Variants in SORBS2 observed in about 807,000 individuals in gnomAD.
The protein encoded by SORBS2 is sorbin and SH3 domain containing 2.
SORBS2 carries 46 observed loss-of-function variants against 97.7 expected under a neutral mutation model. That is an observed-to-expected ratio of 0.47 (90% CI 0.37 to 0.60). The LOEUF is 0.60. SORBS2 is among the 20% of genes least tolerant of loss of function. The pLI, the probability that SORBS2 is intolerant of heterozygous loss-of-function variation, is 0.00. For synonymous variants in SORBS2, 476 were observed against 473.4 expected, an observed-to-expected ratio of 1.01 and a Z score of -0.07; for missense variants, 1,316 against 1,282.3, an observed-to-expected ratio of 1.03 and a Z score of -0.40.
At chr4:185,751,749 A>G (rs755261581) in intron 2 of SORBS2, among the ~76,000 whole-genome samples, 10 of 152,214 alleles carry the variant, frequency 6.6e-5, no homozygotes, top group Non-Finnish European at 7.3e-5. Flanking sequence ...CTGACATTCC[A>G]CAGGAGAAGC....
chr4:185,633,382 T>C (rs2096938602), intron 4 of SORBS2, among the ~76,000 whole-genome samples: 1 of 152,006 alleles, frequency 6.6e-6, no homozygotes, highest in African/African-American at 2.4e-5. Flanking sequence ...ATAGTTAACA[T>C]ATGCTATTAG....
intron 1 of SORBS2, among the ~76,000 whole-genome samples, chr4:185,854,785 A>AAG (rs10560938): frequency 0.014 from 2,124 of 149,712 alleles, 25 homozygotes; most frequent in African/African-American, 0.038. Flanking sequence ...AGAAATAGAG[A>AAG]AGAGAGAGAG....
intron 2 of SORBS2, among the ~76,000 whole-genome samples, chr4:185,720,272 G>A (rs2098501945): frequency 6.6e-6 from 1 of 152,156 alleles, no homozygotes; most frequent in African/African-American, 2.4e-5. Context: ...TCTCTGTAAC[G>A]GCAGCTGAGG....
rs773268433 is a variant in SORBS2, at chr4:185,646,725, T to C, written c.339A>G (p.Pro113=). The C allele has an allele frequency of 5.6e-6, 9 of 1,614,096 alleles. No homozygotes were observed. The East Asian group carries it at 2.0e-4, about 36-fold the overall frequency. ...CAGGTTCATATTCAAAAATACTCCT[T>C]GGCTCAGACCGAAATTTTCTTGTGT... Residue 113 remains proline (P), a synonymous_variant, in exon 4 of 15, where the codon CCA becomes CCG. Coordinates refer to ENST00000418609, the Ensembl canonical transcript of SORBS2.
intron 1 of SORBS2, among the ~76,000 whole-genome samples, chr4:185,871,291 G>T (rs529838168): frequency 2.6e-4 from 40 of 152,122 alleles, no homozygotes; most frequent in African/African-American, 8.7e-4. Flanking sequence ...AGGACATGAA[G>T]CTCAGAAAAA....
At chr4:185,757,133 G>A (rs2153605444) in intron 2 of SORBS2, 1 of 457,228 alleles carries the variant, frequency 2.2e-6, no homozygotes, top group Middle Eastern at 6.4e-4. Context: ...CCACTGTAGG[G>A]GTTCCTGGTC....
chr4:185,827,979 CCAT>C (rs200873178), intron 1 of SORBS2, among the ~76,000 whole-genome samples: 2,205 of 38,062 alleles, frequency 0.058, 43 homozygotes, highest in Admixed American at 0.14. Context: ...CATCTCATCA[CCAT>C]CATCATCATC....
intron 2 of SORBS2, among the ~76,000 whole-genome samples, chr4:185,708,952 G>A (rs755367644): frequency 6.6e-5 from 10 of 152,158 alleles, no homozygotes; most frequent in African/African-American, 9.7e-5. Flanking sequence ...CTATTTCTAC[G>A]TGGGTATGAC....
chr4:185,655,636 T>A (rs2097386652), intron 1 of SORBS2, among the ~76,000 whole-genome samples: 1 of 152,244 alleles, frequency 6.6e-6, no homozygotes, highest in Non-Finnish European at 1.5e-5. Context: ...AAACTGGCAT[T>A]AAATGTTTAG....
upstream of SORBS2, among the ~76,000 whole-genome samples, chr4:185,657,773 C>T (rs1023442490): frequency 2.6e-5 from 4 of 152,076 alleles, no homozygotes; most frequent in African/African-American, 9.7e-5. Context: ...GTGCGGGGAA[C>T]AGACCTATAC....
At chr4:185,609,414 C>T (rs2096494852) in intron 12 of SORBS2, among the ~76,000 whole-genome samples, 1 of 152,194 alleles carries the variant, frequency 6.6e-6, no homozygotes, top group Non-Finnish European at 1.5e-5. Context: ...ATTACTGCCA[C>T]CATCACCATT....
intron 2 of SORBS2, among the ~76,000 whole-genome samples, chr4:185,692,717 T>C (rs930338413): frequency 6.6e-6 from 1 of 152,176 alleles, no homozygotes; most frequent in African/African-American, 2.4e-5. Context: ...TTAAGTCCTA[T>C]GAAATATAAT....
At chr4:185,653,718 C>T (rs1264146689) in intron 1 of SORBS2, among the ~76,000 whole-genome samples, 1 of 152,122 alleles carries the variant, frequency 6.6e-6, no homozygotes, top group African/African-American at 2.4e-5. Context: ...ATGAACGTAG[C>T]CTATTGGATA....
chr4:185,926,552 TTTG>T (rs199847631), intron 1 of SORBS2, among the ~76,000 whole-genome samples: 40,975 of 144,850 alleles, frequency 0.28, 5,765 homozygotes, highest in South Asian at 0.34. Flanking sequence ...AAGTTGTGGT[TTTG>T]TTTTTTTTTT....
chr4:185,749,681 A>C (rs1170650616), intron 2 of SORBS2, among the ~76,000 whole-genome samples: 1 of 152,242 alleles, frequency 6.6e-6, no homozygotes, highest in Non-Finnish European at 1.5e-5. Context: ...TTAAGGTAAT[A>C]ATTTTGGTGC....
rs139548175 is a variant in SORBS2 at position 185,881,831 on chromosome 4, GA to G, written c.-338+74364del. 1.3e-3 allele frequency among the ~76,000 whole-genome samples: 199 copies of G among 152,076 alleles called. 2 individuals carry two copies. Among genetic ancestry groups the G allele is most frequent in the African/African-American group, 4.5e-3 (185 of 41,532 alleles). On this transcript the variant is annotated intron_variant, in intron 1 of 20. Coordinates refer to the SORBS2 transcript ENST00000284776. Reference sequence around the variant, plus strand: ...ACCAAAGCATTAGGAGGTAGGGGAAGAAAAAAGAAGAAGTATAAAATTGTTA... The same window carrying G: ...ACCAAAGCATTAGGAGGTAGGGGAAGAAAAAGAAGAAGTATAAAATTGTTA...
chr4:185,739,114 T>C lies in SORBS2; in HGVS notation c.-198+36113A>G, dbSNP rs193231954. Among the ~76,000 whole-genome samples the C allele has an allele frequency of 1.3e-3, 197 of 152,408 alleles. 1 individual carries two copies. Among genetic ancestry groups the C allele is most frequent in the Admixed American group, 3.5e-3 (53 of 15,314 alleles). On this transcript the variant is annotated intron_variant, in intron 2 of 20. Transcript: ENST00000284776. The stretch of plus-strand genomic sequence containing the variant: ...GACTTGTCTCCACCCTGGTGTTCTA[T>C]TGATCTTGCTGCTGGATAAAGCATA...
intron 1 of SORBS2, among the ~76,000 whole-genome samples, chr4:185,804,179 G>A (rs1326451232): frequency 1.3e-5 from 2 of 152,222 alleles, no homozygotes; most frequent in Admixed American, 1.3e-4. Flanking sequence ...AACATTTAAA[G>A]ATATGTAGAC....
rs28458856 is a variant in SORBS2 at position 185,858,656 on chromosome 4, G to C, written c.-337-83290C>G. On this transcript the variant is annotated intron_variant, in intron 1 of 20. Transcript: ENST00000284776. ...CCACTAAGGGAGAGACACAGACAAG[G>C]CTTAAAGAAACCCACATCACCTACC... Among the ~76,000 whole-genome samples the C allele has an allele frequency of 2.9e-3, 443 of 152,170 alleles. 4 individuals carry two copies. The highest frequency in any genetic ancestry group is 0.01 in the African/African-American group (420 of 41,500).
Sources: gnomAD v4.1 joint callset for allele counts (sites outside exome capture counted in the v4.1 genomes callset) on GRCh38, gnomAD v4.1.1 for gene constraint, MANE v1.5 for transcripts, NCBI Gene and HGNC (gene_info 2026-07-23, HGNC 2026-07-21) for gene names.